CA10: variants seen among roughly 807,000 people sequenced by gnomAD.
CA10 encodes carbonic anhydrase-related protein 10.
CA10 carries 14 observed loss-of-function variants against 44.2 expected under a neutral mutation model. The ratio of observed to expected loss-of-function variants is 0.32; its 90% CI spans 0.21 to 0.50. The LOEUF (loss-of-function observed/expected upper bound fraction) is 0.50, where lower values mean the gene tolerates loss of function less well. Ranked by LOEUF, CA10 falls within the 20% of genes least tolerant of loss-of-function variation. The probability of loss-of-function intolerance (pLI) is 0.99; values close to 1 mark genes in which losing one functional copy is unlikely to be tolerated. For synonymous variants in CA10, 159 were observed against 141.6 expected, an observed-to-expected ratio of 1.12 and a Z score of -0.87; for missense variants, 350 against 409.7, an observed-to-expected ratio of 0.85 and a Z score of 1.26.
intron 2 of CA10, among the ~76,000 whole-genome samples, chr17:51,986,069 A>G (rs1378328587): frequency 1.3e-5 from 2 of 152,004 alleles, no homozygotes; most frequent in African/African-American, 4.8e-5. Context: ...AAAAGAACAA[A>G]TATGGAGGCA....
intron 2 of CA10, among the ~76,000 whole-genome samples, chr17:52,048,498 A>G (rs1239644237): frequency 6.6e-6 from 1 of 152,066 alleles, no homozygotes; most frequent in African/African-American, 2.4e-5. Context: ...TGTGATGTCT[A>G]TCGTAAAGAG....
At chr17:51,708,872 A>C (rs1166991083) in intron 4 of CA10, among the ~76,000 whole-genome samples, 2 of 152,244 alleles carry the variant, frequency 1.3e-5, no homozygotes, top group African/African-American at 2.4e-5. Flanking sequence ...GTGGTTTGCC[A>C]GGGGCCCTTG....
At chr17:51,879,008 C>T (rs1980244415) in intron 3 of CA10, among the ~76,000 whole-genome samples, 1 of 149,568 alleles carries the variant, frequency 6.7e-6, no homozygotes, top group African/African-American at 2.5e-5. Flanking sequence ...CCACTTTTGG[C>T]ATTTTAGATT....
chr17:51,999,783 C>T (rs1357106849), intron 2 of CA10, among the ~76,000 whole-genome samples: 1 of 152,036 alleles, frequency 6.6e-6, no homozygotes, highest in Non-Finnish European at 1.5e-5. Context: ...TTCTTCTCTA[C>T]TGCTTTACAT....
intron 4 of CA10, among the ~76,000 whole-genome samples, chr17:51,663,124 C>T (rs888083221): frequency 2.0e-5 from 3 of 152,102 alleles, no homozygotes; most frequent in African/African-American, 4.8e-5. Context: ...CTTTCAGGAA[C>T]TTGGCAGGGT....
chr17:51,820,302 C>T (rs541274231), intron 3 of CA10, among the ~76,000 whole-genome samples: 1 of 149,784 alleles, frequency 6.7e-6, no homozygotes, highest in African/African-American at 2.5e-5. Context: ...TGAACCTCCC[C>T]AACTGACACA....
intron 3 of CA10, among the ~76,000 whole-genome samples, chr17:51,778,451 T>C (rs1186279389): frequency 6.6e-6 from 1 of 152,180 alleles, no homozygotes; most frequent in Non-Finnish European, 1.5e-5. Context: ...ACTCTTCAGA[T>C]AGCTTTCTAA....
intron 1 of CA10, among the ~76,000 whole-genome samples, chr17:52,113,449 G>A (rs532735039): frequency 1.3e-5 from 2 of 152,224 alleles, no homozygotes; most frequent in Non-Finnish European, 2.9e-5. Flanking sequence ...ATTGCCCTGG[G>A]CACCATGGAG....
chr17:51,734,691 C>T (rs1916839292), intron 4 of CA10, among the ~76,000 whole-genome samples: 1 of 152,150 alleles, frequency 6.6e-6, no homozygotes, highest in Non-Finnish European at 1.5e-5. Flanking sequence ...GAGGGCGATT[C>T]CTTGCAGGAC....
chr17:52,015,126 T>C (rs1985927329), intron 2 of CA10, among the ~76,000 whole-genome samples: 1 of 152,112 alleles, frequency 6.6e-6, no homozygotes, highest in Non-Finnish European at 1.5e-5. Flanking sequence ...TGATCCCTTC[T>C]AGTGACCAAG....
chr17:51,908,148 A>AT (rs1567880848), intron 3 of CA10, among the ~76,000 whole-genome samples: 1 of 152,194 alleles, frequency 6.6e-6, no homozygotes, highest in Non-Finnish European at 1.5e-5. Context: ...ACAATTAGAA[A>AT]TTCAGTTCCA....
chr17:51,865,966 A>C (rs763119526), intron 3 of CA10, among the ~76,000 whole-genome samples: 2 of 152,262 alleles, frequency 1.3e-5, no homozygotes, highest in Non-Finnish European at 2.9e-5. Flanking sequence ...AACAGGGCAG[A>C]TATAAAAATG....
chr17:51,709,026 TTAA>T (rs1465133888), intron 4 of CA10, among the ~76,000 whole-genome samples: 32 of 152,228 alleles, frequency 2.1e-4, no homozygotes, highest in African/African-American at 7.5e-4. Context: ...TCAGTACTCC[TTAA>T]TAAACTCTCC....
intron 4 of CA10, among the ~76,000 whole-genome samples, chr17:51,727,559 G>A (rs1478117816): frequency 6.6e-6 from 1 of 152,108 alleles, no homozygotes; most frequent in Non-Finnish European, 1.5e-5. Context: ...ACTTTTTACA[G>A]CTATGCCTCA....
chr17:51,841,181 A>T (rs1009610467), intron 3 of CA10, among the ~76,000 whole-genome samples: 1 of 151,912 alleles, frequency 6.6e-6, no homozygotes, highest in African/African-American at 2.4e-5. Flanking sequence ...GTATGTCCAG[A>T]CCTCACCCTC....
At chr17:51,635,319 C>T (rs1912776909) in intron 7 of CA10, among the ~76,000 whole-genome samples, 2 of 152,012 alleles carry the variant, frequency 1.3e-5, no homozygotes, top group African/African-American at 4.8e-5. Flanking sequence ...TCAAGACCAG[C>T]CTGGCCAACA....
At chr17:51,651,387 G>T (rs1913558067) in intron 5 of CA10, among the ~76,000 whole-genome samples, 1 of 152,220 alleles carries the variant, frequency 6.6e-6, no homozygotes, top group Non-Finnish European at 1.5e-5. Flanking sequence ...GATTTTCTGG[G>T]AGTTGATTAT....
chr17:52,099,035 T>C (rs1050461507), intron 1 of CA10, among the ~76,000 whole-genome samples: 3 of 152,192 alleles, frequency 2.0e-5, no homozygotes, highest in African/African-American at 7.2e-5. Flanking sequence ...GGTGGTGTTA[T>C]GCTGAAAATA....
intron 4 of CA10, among the ~76,000 whole-genome samples, chr17:51,733,252 G>T (rs1916783733): frequency 6.6e-6 from 1 of 152,132 alleles, no homozygotes; most frequent in South Asian, 2.1e-4. Flanking sequence ...AACACTACCT[G>T]GTCCTCCCCA....
Sources: gnomAD v4.1 joint callset for allele counts (sites outside exome capture counted in the v4.1 genomes callset) on GRCh38, gnomAD v4.1.1 for gene constraint, MANE v1.5 for transcripts, NCBI Gene and HGNC (gene_info 2026-07-23, HGNC 2026-07-21) for gene names.